Variants in EMX1 observed in about 807,000 individuals in gnomAD.
EMX1 encodes the protein homeobox protein EMX1.
Under a neutral mutation model 20.1 loss-of-function variants are expected in EMX1, and 10 were observed. The ratio of observed to expected loss-of-function variants is 0.50; its 90% CI spans 0.31 to 0.84. The LOEUF (loss-of-function observed/expected upper bound fraction) is 0.84, where lower values mean the gene tolerates loss of function less well. Among genes scored for constraint, EMX1 ranks in the 40% least tolerant of loss-of-function variants. EMX1 has a pLI of 0.05. For missense variants in EMX1, 424 were observed against 431.9 expected, an observed-to-expected ratio of 0.98 and a Z score of 0.16; for synonymous variants, 250 against 200.4, an observed-to-expected ratio of 1.25 and a Z score of -2.09.
chr2:72,926,354 A>C, intron 2 of EMX1: 2 of 924,582 alleles, frequency 2.2e-6, no homozygotes, highest in Non-Finnish European at 2.6e-6. Context: ...ATTTAAAACA[A>C]AACCAGATAG....
At position 72,918,134 on chromosome 2, in the gene EMX1, C is replaced by T. The variant is rs1671022029; in HGVS notation, c.282C>T (p.Ala94=). ...NYPHPSAAEA[A]FVSGFPAAAA... is the part of the protein sequence containing the mutation. ...CTCACCCCAGCGCGGCCGAGGCGGC[C>T]TTCGTGAGTGGCTTCCCTGCCGCGG... Residue 94 remains alanine (A), a synonymous_variant, in exon 1 of 3, where the codon GCC becomes GCT. Coordinates refer to ENST00000258106, the MANE Select transcript of EMX1 (RefSeq NM_004097.3). 1 of 1,494,348 alleles carries T rather than the reference C, an allele frequency of 6.7e-7. No homozygotes were observed. Among genetic ancestry groups the T allele is most frequent in the Non-Finnish European group, 8.8e-7 (1 of 1,134,234 alleles). The allele number at this position is 1,494,348 out of a possible 1,614,324, so 92.6% of individuals were successfully genotyped here.
chr2:72,934,036 C>A lies in EMX1; in HGVS notation c.*82C>A. The A allele has an allele frequency of 6.4e-7, 1 of 1,558,754 alleles. No individual in the cohort carries two copies. Among genetic ancestry groups the A allele is most frequent in the Non-Finnish European group, 8.7e-7 (1 of 1,148,146 alleles). ...TGCGTGGGCCCAAGCTGGACTCTGG[C>A]CACTCCCTGGCCAGGCTTTGGGGAG... On this transcript the variant is annotated 3_prime_UTR_variant, in exon 3 of 3. Transcript: ENST00000258106.
chr2:72,919,038 G>T (rs1671050968), intron 1 of EMX1, among the ~76,000 whole-genome samples: 1 of 152,238 alleles, frequency 6.6e-6, no homozygotes, highest in Non-Finnish European at 1.5e-5. Context: ...CTTCGGGAGG[G>T]AGCCCACCCG....
intron 2 of EMX1, chr2:72,925,529 G>C (rs936655997): frequency 7.8e-7 from 1 of 1,288,668 alleles, no homozygotes; most frequent in Non-Finnish European, 1.0e-6. Context: ...CCGGCTCCCA[G>C]AGTTGCGAGA....
intron 1 of EMX1, among the ~76,000 whole-genome samples, chr2:72,918,734 G>T (rs1195096765): frequency 1.3e-5 from 2 of 152,212 alleles, no homozygotes; most frequent in Non-Finnish European, 2.9e-5. Flanking sequence ...CTCTCCCTCC[G>T]CCCGGCTTAA....
intron 2 of EMX1, chr2:72,925,350 T>C (rs941508574): frequency 2.5e-6 from 3 of 1,180,174 alleles, no homozygotes; most frequent in South Asian, 1.5e-5. Flanking sequence ...ATGAAAGTTA[T>C]AGGGAGGTGG....
intron 1 of EMX1, among the ~76,000 whole-genome samples, chr2:72,921,439 C>A (rs1388927719): frequency 6.6e-6 from 1 of 152,158 alleles, no homozygotes; most frequent in East Asian, 1.9e-4. Context: ...GAAACTGAAC[C>A]CCTGGTAGGG....
At chr2:72,921,931 C>T (rs1389191271) in intron 1 of EMX1, among the ~76,000 whole-genome samples, 1 of 152,228 alleles carries the variant, frequency 6.6e-6, no homozygotes, top group African/African-American at 2.4e-5. Flanking sequence ...GAGCACTCCA[C>T]CACACAGGTG....
chr2:72,918,482 G>T, intron 1 of EMX1, 110 bp downstream of exon 1: 1 of 1,295,072 alleles, frequency 7.7e-7, no homozygotes. Context: ...TGCCGGGAAG[G>T]CTGCAGGTCC....
At chr2:72,925,612 G>A (rs1432687825) in intron 2 of EMX1, 6 of 1,260,074 alleles carry the variant, frequency 4.8e-6, no homozygotes, top group Non-Finnish European at 6.2e-6. Context: ...TCCTAGTCTC[G>A]ACCCTACTAC....
At chr2:72,929,612 G>A (rs751562774) in intron 2 of EMX1, among the ~76,000 whole-genome samples, 3 of 152,194 alleles carry the variant, frequency 2.0e-5, no homozygotes, top group Non-Finnish European at 2.9e-5. Flanking sequence ...GACAGGACAC[G>A]TATTCACCTG....
upstream of EMX1, chr2:72,916,726 G>A (rs1029212252): frequency 2.1e-5 from 15 of 717,404 alleles, no homozygotes; most frequent in Non-Finnish European, 3.9e-5. Context: ...AAGCCACAGT[G>A]TCTCCGAGGC....
intron 1 of EMX1, 188 bp from the exon 2 acceptor site, chr2:72,924,121 G>C (rs1671150465): frequency 1.4e-6 from 1 of 690,332 alleles, no homozygotes; most frequent in Non-Finnish European, 2.5e-6. Context: ...GTTGCGGAGG[G>C]GAGTGGACTT....
At chr2:72,916,410 G>T, upstream of EMX1, 1 of 491,384 alleles carries the variant, frequency 2.0e-6, no homozygotes, top group Non-Finnish European at 3.6e-6. Context: ...CAGTGCGCCG[G>T]CAAGGTCCAG....
intron 2 of EMX1, chr2:72,925,623 A>G (rs1174205299): frequency 3.3e-6 from 4 of 1,216,210 alleles, no homozygotes; most frequent in East Asian, 6.5e-5. Context: ...ACCCTACTAC[A>G]CCACCGTCCC....
Position 72,925,466 on chromosome 2 carries a change from G to T in EMX1, c.705+973G>T, listed in dbSNP as rs1294236359. ...CCGACGTGTTGGAGTGGGGCTCAGC[G>T]ACCCTCAGCCTAGCTGCTGCCCTGG... On this transcript the variant is annotated intron_variant, in intron 2 of 2. Transcript: ENST00000258106. 3.9e-6 allele frequency: 5 copies of T among 1,288,518 alleles called. No homozygotes were observed. The East Asian group carries it at 2.8e-4, about 72-fold the overall frequency. The allele number at this position is 1,288,518 out of a possible 1,614,324, so 79.8% of individuals were successfully genotyped here.
At chr2:72,916,537 A>G, upstream of EMX1, 1 of 606,408 alleles carries the variant, frequency 1.6e-6, no homozygotes, top group South Asian at 1.9e-5. Flanking sequence ...GCCTGTCGTG[A>G]GAACTGCCCC....
Position 72,924,481 on chromosome 2 carries a change from C to G in EMX1, c.693C>G (p.Leu231=). The G allele has an allele frequency of 6.3e-7, 1 of 1,587,570 alleles. No homozygotes were observed. Among genetic ancestry groups the G allele is most frequent in the Non-Finnish European group, 8.5e-7 (1 of 1,171,068 alleles). ...AGCAGCTGGCCGGCAGTCTCAGCCT[C>G]TCCGAGACGCAGGTAATCACCCCCG... ...ERKQLAGSLS[L]SETQVKVWFQ... Residue 231 remains leucine, a synonymous_variant, in exon 2 of 3, where the codon CTC becomes CTG. Transcript: ENST00000258106.
chr2:72,918,393 C>T (rs1349016516), intron 1 of EMX1, 21 bp downstream of exon 1: 2 of 1,361,036 alleles, frequency 1.5e-6, no homozygotes, highest in South Asian at 1.7e-5. Flanking sequence ...ACGCTGTGCC[C>T]GCCGAGGCGG....
Sources: allele counts gnomAD v4.1 joint callset (sites outside exome capture counted in the v4.1 genomes callset), GRCh38; gene constraint gnomAD v4.1.1; transcripts MANE v1.5; gene names NCBI Gene and HGNC (gene_info 2026-07-23, HGNC 2026-07-21).